Variants in FOXO3 observed in about 807,000 individuals in gnomAD.
FOXO3 encodes forkhead box O3.
In FOXO3, 4 loss-of-function variants were observed where a neutral mutation model predicts 41.9. The observed-to-expected ratio is 0.10, with a 90% CI of 0.05 to 0.22. The LOEUF (loss-of-function observed/expected upper bound fraction) is 0.22. Ranked by LOEUF, FOXO3 falls within the 10% of genes least tolerant of loss-of-function variation. The pLI, the probability that FOXO3 is intolerant of heterozygous loss-of-function variation, is 1.00. For synonymous variants in FOXO3, 318 were observed against 389.3 expected (o/e 0.82, Z 2.16); for missense variants, 534 against 906.8 (o/e 0.59, Z 5.28).
chr6:108,661,554 C>CT (rs1415133867), intron 1 of FOXO3, among the ~76,000 whole-genome samples: 1 of 152,156 alleles, frequency 6.6e-6, no homozygotes. Flanking sequence ...ACCATGGACT[C>CT]TGTGTTTTAT....
At chr6:108,571,795 A>G (rs533870001) in intron 1 of FOXO3, among the ~76,000 whole-genome samples, 1 of 152,182 alleles carries the variant, frequency 6.6e-6, no homozygotes, top group Non-Finnish European at 1.5e-5. Flanking sequence ...ATTCATGGTA[A>G]TTCGTTATGG....
Position 108,681,806 on chromosome 6 carries a change from CAG to C in FOXO3, c.*2016_*2017del, listed in dbSNP as rs1378007129. ...TCATATGGTCTGCTTGTCAGTGAGC[CAG>C]ACTTGCTTACTATATTCCTTTATAA... On this transcript the variant is annotated 3_prime_UTR_variant, in exon 3 of 3. Transcript: ENST00000406360. 1 of 152,128 alleles carries C rather than the reference CAG, an allele frequency of 6.6e-6. No individual in the cohort carries two copies. Among genetic ancestry groups the C allele is most frequent in the Admixed American group, 6.6e-5 (1 of 15,260 alleles). 9.4% of individuals were successfully genotyped at this position (152,128 alleles called of 1,614,324 possible).
Position 108,561,521 on chromosome 6 carries a change from G to A in FOXO3, c.313G>A (p.Gly105Arg), listed in dbSNP as rs1236149262. ...CTCGGCCCGGGTGCTGGCACCCGGA[G>A]GGCAAGACCCCGGGTCTGGGCCAGC... is the stretch of plus-strand genomic sequence containing the variant. The part of the protein sequence containing the change: ...EDSARVLAPG[G>R]QDPGSGPATA... The change falls in exon 1 of 3, where the codon GGG (glycine) becomes AGG (arginine). Residue 105 changes from glycine to arginine, a missense_variant. Gly to Arg is a moderately radical substitution (Grantham distance 125). Around this residue, in one of 8 missense-constraint regions of FOXO3, gnomAD observed 139 missense variants for 163.7 expected, o/e 0.85. Coordinates refer to ENST00000406360, the MANE Select transcript of FOXO3 (RefSeq NM_001455.4). The A allele has an allele frequency of 6.9e-7, 1 of 1,444,242 alleles. No homozygotes were observed. 89.5% of individuals were successfully genotyped at this position (1,444,242 alleles called of 1,614,324 possible). A position where few individuals can be genotyped will look rare whatever the true frequency, so the allele number is the denominator to read the frequency against.
At position 108,561,187 on chromosome 6, in the gene FOXO3, CGCGG is replaced by C. The variant is rs750286075; in HGVS notation, c.-9_-6del. 89 of 1,527,556 alleles carry C rather than the reference CGCGG, an allele frequency of 5.8e-5. No homozygotes were observed. The highest frequency in any genetic ancestry group is 5.1e-4 in the African/African-American group (36 of 70,604). 94.6% of individuals were successfully genotyped at this position (1,527,556 alleles called of 1,614,324 possible). ...GAGAGGAGAGCGCGAGAGCCCCAGC[CGCGG>C]GCGGGCGGGCGGCGAAGATGGCAGA... is the stretch of plus-strand genomic sequence containing the variant. On this transcript the variant is annotated 5_prime_UTR_variant, in exon 1 of 3. Transcript: ENST00000406360.
intron 1 of FOXO3, among the ~76,000 whole-genome samples, chr6:108,625,119 T>A (rs1202364193): frequency 6.6e-6 from 1 of 152,226 alleles, no homozygotes; most frequent in East Asian, 1.9e-4. Flanking sequence ...AAAAGTTTAT[T>A]CATTGAATGA....
In FOXO3 at chr6:108,588,476, G is replaced by A. The variant is rs577616202; in HGVS notation, c.621+26647G>A. On this transcript the variant is annotated intron_variant, in intron 1 of 2. Transcript: ENST00000406360. ...GTTATACTATTTCAGAAATTCAACT[G>A]TAGTTATAAAATTATAAAGAATGCA... is the stretch of plus-strand genomic sequence containing the variant. Among the ~76,000 whole-genome samples the A allele has an allele frequency of 1.4e-4, 21 of 152,240 alleles. 1 individual carries two copies. In the South Asian group the frequency reaches 3.9e-3, roughly 29 times the overall value.
At chr6:108,659,151 C>A (rs1470164101) in intron 1 of FOXO3, among the ~76,000 whole-genome samples, 1 of 152,072 alleles carries the variant, frequency 6.6e-6, no homozygotes, top group Admixed American at 6.5e-5. Context: ...TCCCAAAGTA[C>A]TGGAATTATA....
chr6:108,670,063 T>C (rs1217167583), intron 2 of FOXO3, among the ~76,000 whole-genome samples: 1 of 152,180 alleles, frequency 6.6e-6, no homozygotes, highest in Non-Finnish European at 1.5e-5. Flanking sequence ...CTCACAGGCT[T>C]ATCTTTCTAT....
At chr6:108,645,931 A>G (rs1308458907) in intron 1 of FOXO3, among the ~76,000 whole-genome samples, 1 of 152,226 alleles carries the variant, frequency 6.6e-6, no homozygotes, top group African/African-American at 2.4e-5. Context: ...TAATTCCTAA[A>G]AATAGAATTG....
chr6:108,618,400 TGAA>T (rs759709613), intron 1 of FOXO3: 369 of 496,866 alleles, frequency 7.4e-4, no homozygotes, highest in South Asian at 1.7e-3. Context: ...CAGCAGCAGA[TGAA>T]GGAGAGGGAA....
intron 1 of FOXO3, among the ~76,000 whole-genome samples, chr6:108,649,033 AG>A (rs1198907614): frequency 1.6e-5 from 2 of 126,992 alleles, no homozygotes; most frequent in Non-Finnish European, 1.7e-5. Context: ...AAAAAAAAAA[AG>A]GACTACAAGT....
intron 1 of FOXO3, among the ~76,000 whole-genome samples, chr6:108,577,288 C>T (rs1239210463): frequency 6.6e-6 from 1 of 152,106 alleles, no homozygotes; most frequent in East Asian, 1.9e-4. Context: ...AGGGTACTTC[C>T]TTGATCGTCT....
At chr6:108,628,692 A>C (rs1013932157) in intron 1 of FOXO3, among the ~76,000 whole-genome samples, 4 of 152,084 alleles carry the variant, frequency 2.6e-5, no homozygotes, top group Non-Finnish European at 4.4e-5. Context: ...GTTCTAAGCA[A>C]GTTCAGCAGT....
At chr6:108,580,624 G>A (rs528362088) in intron 1 of FOXO3, among the ~76,000 whole-genome samples, 1 of 152,334 alleles carries the variant, frequency 6.6e-6, no homozygotes, top group East Asian at 1.9e-4. Context: ...GAACTCCAAA[G>A]TCAATTTATC....
At chr6:108,676,720 G>A (rs1255772681) in intron 2 of FOXO3, among the ~76,000 whole-genome samples, 1 of 152,186 alleles carries the variant, frequency 6.6e-6, no homozygotes, top group South Asian at 2.1e-4. Context: ...TCCCAGCTCA[G>A]TAGCTGGGTT....
At position 108,683,839 on chromosome 6, in the gene FOXO3, T is replaced by C. The variant is rs1770962255; in HGVS notation, c.*4047T>C. ...AAAAAAAATTTTTTTTTGGTAGAAATGCAATCACCAGTAAAGAGGTACGAA... is the reference window on the plus strand; with the variant it reads ...AAAAAAAATTTTTTTTTGGTAGAAACGCAATCACCAGTAAAGAGGTACGAA... On this transcript the variant is annotated 3_prime_UTR_variant, in exon 3 of 3. Transcript: ENST00000406360. The C allele has an allele frequency of 6.6e-6, 1 of 152,032 alleles. No individual in the cohort carries two copies. Among genetic ancestry groups the C allele is most frequent in the South Asian group, 2.1e-4 (1 of 4,820 alleles). The allele number at this position is 152,032 out of a possible 1,614,324, so 9.4% of individuals were successfully genotyped here. A position where few individuals can be genotyped will look rare whatever the true frequency, so the allele number is the denominator to read the frequency against.
rs533023000 is a variant in FOXO3, at chr6:108,609,950, T to C, written c.621+48121T>C. Among the ~76,000 whole-genome samples the C allele has an allele frequency of 2.7e-4, 41 of 152,294 alleles. 1 individual carries two copies. The highest frequency in any genetic ancestry group is 1.9e-4 in the Non-Finnish European group (13 of 68,016). ...AAATGTACACATACATGCACACATA[T>C]GTACATTTTTGAAAAGAAAACAGTT... On this transcript the variant is annotated intron_variant, in intron 1 of 2. Transcript: ENST00000406360.
chr6:108,672,732 T>G (rs1380905831), intron 2 of FOXO3, among the ~76,000 whole-genome samples: 2 of 152,168 alleles, frequency 1.3e-5, no homozygotes, highest in African/African-American at 4.8e-5. Context: ...CCTCTCCCTC[T>G]CCCTGTCTCT....
intron 2 of FOXO3, among the ~76,000 whole-genome samples, chr6:108,670,846 T>C (rs1385027129): frequency 6.6e-6 from 1 of 152,194 alleles, no homozygotes; most frequent in Non-Finnish European, 1.5e-5. Context: ...CTCAGCCATA[T>C]CCATGCATGG....
Sources: allele counts gnomAD v4.1 joint callset (sites outside exome capture counted in the v4.1 genomes callset), GRCh38; gene constraint gnomAD v4.1.1; regional missense constraint gnomAD v4.1.1; transcripts MANE v1.5; gene names NCBI Gene and HGNC (gene_info 2026-07-23, HGNC 2026-07-21).